The following HTR2A variants were observed in gnomAD, a reference collection of about 807,000 sequenced individuals.
HTR2A encodes 5-hydroxytryptamine receptor 2A.
Under a neutral mutation model 31.0 loss-of-function variants are expected in HTR2A, and 14 were observed. The ratio of observed to expected loss-of-function variants is 0.45; its 90% CI spans 0.30 to 0.71. HTR2A has a LOEUF of 0.71. Among genes scored for constraint, HTR2A ranks in the 30% least tolerant of loss-of-function variants. HTR2A has a pLI of 0.09. For missense variants in HTR2A, 442 were observed against 573.3 expected, an observed-to-expected ratio of 0.77 and a Z score of 2.34; for synonymous variants, 209 against 225.2, an observed-to-expected ratio of 0.93 and a Z score of 0.64.
intron 3 of HTR2A, among the ~76,000 whole-genome samples, chr13:46,839,774 G>T (rs1212106715): frequency 6.6e-6 from 1 of 152,094 alleles, no homozygotes; most frequent in African/African-American, 2.4e-5. Context: ...GAACACAAAA[G>T]CTTTGGTTGG....
intron 3 of HTR2A, among the ~76,000 whole-genome samples, chr13:46,837,212 T>A (rs1950568855): frequency 6.6e-6 from 1 of 152,150 alleles, no homozygotes; most frequent in East Asian, 1.9e-4. Context: ...ACTGGCCATG[T>A]TGTGCAGTTT....
chr13:46,892,618 A>C, intron 2 of HTR2A, 28 bp from the exon 3 acceptor site: 1 of 1,603,432 alleles, frequency 6.2e-7, no homozygotes, highest in African/African-American at 1.3e-5. Context: ...GGTGTCAGTG[A>C]GCAACCCTGT....
At chr13:46,861,323 A>T (rs1950776893) in intron 3 of HTR2A, among the ~76,000 whole-genome samples, 2 of 152,332 alleles carry the variant, frequency 1.3e-5, no homozygotes, top group Non-Finnish European at 1.5e-5. Context: ...ATTGGTTAGC[A>T]GCTTTCTTCT....
Position 46,835,177 on chromosome 13 carries a change from C to T in HTR2A, c.1076G>A (p.Gly359Glu), listed in dbSNP as rs1420966949. Residue 359 changes from glycine (G) to glutamate (E), a missense_variant, in exon 4 of 4, where the codon GGG becomes GAG. By Grantham distance (98) the Gly-to-Glu change is moderately conservative. Coordinates refer to ENST00000542664, the MANE Select transcript of HTR2A (RefSeq NM_000621.5). ...CCAAACAAACACATTGAGCAGGGCC[C>T]CAATGACATCCTCATTGCAGGACTC... ...CKESCNEDVI[G>E]ALLNVFVWIG... 5.6e-6 allele frequency: 9 copies of T among 1,613,896 alleles called. No individual in the cohort carries two copies. The highest frequency in any genetic ancestry group is 3.3e-5 in the Admixed American group (2 of 59,956).
At chr13:46,849,160 G>T (rs1371652855) in intron 3 of HTR2A, among the ~76,000 whole-genome samples, 4 of 152,146 alleles carry the variant, frequency 2.6e-5, no homozygotes, top group African/African-American at 9.7e-5. Flanking sequence ...CAGATACACA[G>T]CTTAAAAACT....
At chr13:46,858,267 G>C (rs1950754738) in intron 3 of HTR2A, among the ~76,000 whole-genome samples, 1 of 152,082 alleles carries the variant, frequency 6.6e-6, no homozygotes, top group Non-Finnish European at 1.5e-5. Flanking sequence ...TTGGAAAACA[G>C]GTACCTGAAT....
At chr13:46,844,801 A>G (rs1461286677) in intron 3 of HTR2A, among the ~76,000 whole-genome samples, 1 of 152,158 alleles carries the variant, frequency 6.6e-6, no homozygotes, top group Non-Finnish European at 1.5e-5. Context: ...CTTAACTTTC[A>G]AGCTTCCATC....
chr13:46,862,407 A>G (rs188532918), intron 3 of HTR2A, among the ~76,000 whole-genome samples: 2 of 152,348 alleles, frequency 1.3e-5, no homozygotes, highest in Non-Finnish European at 2.9e-5. Context: ...GGCCTGTTCT[A>G]TGGAAATGAA....
intron 3 of HTR2A, among the ~76,000 whole-genome samples, chr13:46,851,356 G>T: frequency 6.6e-6 from 1 of 152,176 alleles, no homozygotes; most frequent in African/African-American, 2.4e-5. Context: ...TAAAGAATGA[G>T]CTCCTTGATA....
intron 3 of HTR2A, among the ~76,000 whole-genome samples, chr13:46,852,882 A>C (rs1253896073): frequency 6.6e-6 from 1 of 152,216 alleles, no homozygotes; most frequent in Non-Finnish European, 1.5e-5. Context: ...TTAGTTCTAC[A>C]GTTAACAAAG....
At chr13:46,872,677 AGTTT>A (rs1308683033) in intron 3 of HTR2A, among the ~76,000 whole-genome samples, 1 of 152,212 alleles carries the variant, frequency 6.6e-6, no homozygotes, top group Non-Finnish European at 1.5e-5. Flanking sequence ...TGTCTCTGTT[AGTTT>A]AATACCTTGC....
chr13:46,897,428 G>A (rs1351626517), upstream of HTR2A, among the ~76,000 whole-genome samples: 1 of 152,194 alleles, frequency 6.6e-6, no homozygotes, highest in Non-Finnish European at 1.5e-5. Flanking sequence ...GGCTAGGCAC[G>A]TCTGTGGTGA....
chr13:46,885,790 G>A (rs926485901), intron 3 of HTR2A, among the ~76,000 whole-genome samples: 188 of 152,322 alleles, frequency 1.2e-3, no homozygotes, highest in African/African-American at 4.3e-3. Context: ...AGTGAAAGAC[G>A]TTACTGCATT....
chr13:46,875,415 G>A (rs992589706), intron 3 of HTR2A, among the ~76,000 whole-genome samples: 3 of 152,074 alleles, frequency 2.0e-5, no homozygotes, highest in Non-Finnish European at 4.4e-5. Context: ...AATATAAATT[G>A]AGCAAAAAGG....
At chr13:46,897,788 G>A (rs1467702159), upstream of HTR2A, among the ~76,000 whole-genome samples, 1 of 152,156 alleles carries the variant, frequency 6.6e-6, no homozygotes, top group Non-Finnish European at 1.5e-5. Context: ...CCTTCAATAT[G>A]TTTGTGGCCA....
intron 3 of HTR2A, among the ~76,000 whole-genome samples, chr13:46,856,833 CAT>C (rs796535825): frequency 1.6e-4 from 24 of 152,258 alleles, no homozygotes; most frequent in African/African-American, 5.1e-4. Context: ...AAAACAGCCA[CAT>C]GATAGCAGGG....
rs1876391664 is a variant in HTR2A at position 46,835,005 on chromosome 13, A to C, written c.1248T>G (p.Ala416=). The C allele has an allele frequency of 7.4e-6, 12 of 1,614,028 alleles. No homozygotes were observed. The highest frequency in any genetic ancestry group is 2.7e-5 in the African/African-American group (2 of 74,924). Residue 416 remains alanine, a synonymous_variant, in exon 4 of 4, where the codon GCT becomes GCG. Coordinates refer to ENST00000542664, the MANE Select transcript of HTR2A (RefSeq NM_000621.5). ...LQLILVNTIP[A]LAYKSSQLQM... is the part of the protein sequence containing the mutation. ...GAAGTTGGCTAGACTTGTAGGCCAA[A>C]GCCGGTATTGTGTTCACTAAAATTA...
intron 3 of HTR2A, among the ~76,000 whole-genome samples, chr13:46,884,013 T>C (rs2138244149): frequency 6.6e-6 from 1 of 152,342 alleles, no homozygotes; most frequent in Admixed American, 6.5e-5. Flanking sequence ...GACTAATCTA[T>C]GATGTGGTTA....
At chr13:46,880,775 G>T (rs1196696105) in intron 3 of HTR2A, among the ~76,000 whole-genome samples, 1 of 152,094 alleles carries the variant, frequency 6.6e-6, no homozygotes, top group Non-Finnish European at 1.5e-5. Context: ...GGAGGCAGAG[G>T]TTGCGGTGAG....
Sources: gnomAD v4.1 joint callset for allele counts (sites outside exome capture counted in the v4.1 genomes callset) on GRCh38, gnomAD v4.1.1 for gene constraint, MANE v1.5 for transcripts, NCBI Gene and HGNC (gene_info 2026-07-23, HGNC 2026-07-21) for gene names.